SLCO1B1: variants seen among roughly 807,000 people sequenced by gnomAD.
SLCO1B1 encodes the protein OATP-2.
A neutral mutation model predicts 70.1 loss-of-function variants in SLCO1B1; 81 were observed. The ratio of observed to expected loss-of-function variants is 1.16; its 90% CI spans 0.97 to 1.39. The LOEUF (loss-of-function observed/expected upper bound fraction) is 1.39. SLCO1B1 is among the 40% of genes most tolerant of loss of function. The pLI is 0.00. For missense variants in SLCO1B1, 895 were observed against 799.6 expected (o/e 1.12, Z -1.44); for synonymous variants, 283 against 271.5 (o/e 1.04, Z -0.42).
intron 14 of SLCO1B1, 148 bp downstream of exon 14, chr12:21,224,987 C>T (rs990071051): frequency 1.9e-4 from 93 of 502,568 alleles, no homozygotes; most frequent in Non-Finnish European, 3.0e-4. Context: ...CAAGCAATCT[C>T]GTATCTCATT....
At chr12:21,180,377 C>A (rs1940880594) in intron 7 of SLCO1B1, among the ~76,000 whole-genome samples, 1 of 152,148 alleles carries the variant, frequency 6.6e-6, no homozygotes, top group Non-Finnish European at 1.5e-5. Context: ...TACTTCACCA[C>A]TTTCCATTAG....
At chr12:21,223,153 G>A (rs972868196) in intron 13 of SLCO1B1, among the ~76,000 whole-genome samples, 8 of 152,212 alleles carry the variant, frequency 5.3e-5, no homozygotes, top group Middle Eastern at 3.4e-3. Flanking sequence ...GAGACTATGA[G>A]AATGGAGTAA....
In SLCO1B1 at chr12:21,146,567, A is replaced by G. The variant is rs1940385398; in HGVS notation, c.84+4909A>G. Among the ~76,000 whole-genome samples the G allele has an allele frequency of 2.6e-5, 4 of 152,298 alleles. 1 individual carries two copies. Among genetic ancestry groups the G allele is most frequent in the Admixed American group, 2.6e-4 (4 of 15,290 alleles). ...TTAGCATTTTCTTGTTTTCTAACAT[A>G]TGCATTCAGTGCAATAAATCTCTAA... On this transcript the variant is annotated intron_variant, in intron 2 of 14. Coordinates refer to ENST00000256958, the MANE Select transcript of SLCO1B1 (RefSeq NM_006446.5).
chr12:21,182,421 C>T (rs1399666685), intron 7 of SLCO1B1, among the ~76,000 whole-genome samples: 1 of 152,130 alleles, frequency 6.6e-6, no homozygotes, highest in Non-Finnish European at 1.5e-5. Context: ...GCCCAACATC[C>T]AAGGCTCTCT....
At chr12:21,188,762 C>A (rs1940991956) in intron 7 of SLCO1B1, among the ~76,000 whole-genome samples, 1 of 152,152 alleles carries the variant, frequency 6.6e-6, no homozygotes, top group African/African-American at 2.4e-5. Context: ...CATTGACTAA[C>A]AACTCCCTGC....
At chr12:21,182,256 C>G (rs1564370) in intron 7 of SLCO1B1, among the ~76,000 whole-genome samples, 56,598 of 151,898 alleles carry the variant, frequency 0.37, 12,812 homozygotes, top group South Asian at 0.55. Context: ...CTGTTGACAT[C>G]TGGGATCCTA....
Position 21,239,129 on chromosome 12 carries a change from C to A in SLCO1B1, c.2016C>A (p.Ser672=), listed in dbSNP as rs1480173846. The A allele has an allele frequency of 6.2e-7, 1 of 1,612,888 alleles. No individual in the cohort carries two copies. The highest frequency in any genetic ancestry group is 8.5e-7 in the Non-Finnish European group (1 of 1,179,386). ...GSVMDEANLE[S]LNKNKHFVPS... is the part of the protein sequence containing the mutation. ...TCATGGATGAAGCAAACTTAGAATCCTTAAATAAAAATAAACATTTTGTCC... is the reference window on the plus strand; with the variant it reads ...TCATGGATGAAGCAAACTTAGAATCATTAAATAAAAATAAACATTTTGTCC... The change falls in exon 15 of 15, where the codon TCC becomes TCA. Residue 672 remains serine (S), a synonymous_variant. Coordinates refer to ENST00000256958, the MANE Select transcript of SLCO1B1 (RefSeq NM_006446.5).
At chr12:21,143,909 G>C (rs1940347440) in intron 2 of SLCO1B1, among the ~76,000 whole-genome samples, 1 of 151,924 alleles carries the variant, frequency 6.6e-6, no homozygotes, top group Non-Finnish European at 1.5e-5. Context: ...AAATATACAT[G>C]TTGTTACTGA....
Position 21,239,230 on chromosome 12 carries a change from A to G in SLCO1B1, c.*41A>G. On this transcript the variant is annotated 3_prime_UTR_variant, in exon 15 of 15. Transcript: ENST00000256958. ...CACTTCTGCTTCTGTGTTTCCAAAC[A>G]GCATTGCATTGATTCAGTAAGATGT... The G allele has an allele frequency of 1.5e-6, 2 of 1,324,280 alleles. No homozygotes were observed. Among genetic ancestry groups the G allele is most frequent in the Non-Finnish European group, 2.2e-6 (2 of 916,368 alleles). 82.0% of individuals were successfully genotyped at this position (1,324,280 alleles called of 1,614,324 possible).
intron 10 of SLCO1B1, among the ~76,000 whole-genome samples, 158 bp from the exon 11 acceptor site, chr12:21,205,710 G>A (rs947974482): frequency 1.3e-5 from 2 of 150,940 alleles, no homozygotes; most frequent in Non-Finnish European, 3.0e-5. Context: ...TTGCCATTTC[G>A]TCATCATCAA....
At chr12:21,193,388 C>T (rs984956109) in intron 7 of SLCO1B1, among the ~76,000 whole-genome samples, 20 of 152,088 alleles carry the variant, frequency 1.3e-4, no homozygotes, top group African/African-American at 4.8e-4. Context: ...CATAGGGAGT[C>T]CTAGAACCAT....
intron 7 of SLCO1B1, among the ~76,000 whole-genome samples, chr12:21,183,492 G>A (rs1335057849): frequency 6.6e-6 from 1 of 152,182 alleles, no homozygotes; most frequent in Non-Finnish European, 1.5e-5. Context: ...CACTGTGCCT[G>A]ACTTCAAAAA....
At chr12:21,184,801 A>G (rs1047659857) in intron 7 of SLCO1B1, among the ~76,000 whole-genome samples, 2 of 152,154 alleles carry the variant, frequency 1.3e-5, no homozygotes, top group Non-Finnish European at 1.5e-5. Context: ...TGCCCCAAGT[A>G]AAAGACACTG....
At chr12:21,151,860 T>G (rs984977550) in intron 2 of SLCO1B1, among the ~76,000 whole-genome samples, 1 of 152,120 alleles carries the variant, frequency 6.6e-6, no homozygotes, top group Non-Finnish European at 1.5e-5. Flanking sequence ...ATGACATGAC[T>G]AGGTGTAACT....
At chr12:21,186,923 G>C (rs374081579) in intron 7 of SLCO1B1, among the ~76,000 whole-genome samples, 21 of 152,182 alleles carry the variant, frequency 1.4e-4, no homozygotes, top group Non-Finnish European at 2.8e-4. Context: ...TGCAAGCAAA[G>C]GATGGTTTGA....
chr12:21,185,995 G>GA (rs1427816105), intron 7 of SLCO1B1, among the ~76,000 whole-genome samples: 1 of 151,242 alleles, frequency 6.6e-6, no homozygotes, highest in Non-Finnish European at 1.5e-5. Flanking sequence ...GATTAAACCA[G>GA]AAAAAAAGTG....
chr12:21,176,863 A>G lies in SLCO1B1; in HGVS notation c.447A>G (p.Ser149=). The change falls in exon 5 of 15, where the codon TCA becomes TCG. Residue 149 remains serine, a synonymous_variant. Coordinates refer to ENST00000256958, the MANE Select transcript of SLCO1B1 (RefSeq NM_006446.5). The part of the protein sequence containing the change: ...LSTCLINQIL[S]LNRASPEIVG... ...CTTGTTTAATTAATCAAATTTTATC[A>G]CTCAATAGAGCATCACCTGAGATAG... 6.4e-7 allele frequency: 1 copy of G among 1,561,944 alleles called. No individual in the cohort carries two copies.
At chr12:21,218,013 A>G (rs553109275) in intron 12 of SLCO1B1, among the ~76,000 whole-genome samples, 1 of 152,340 alleles carries the variant, frequency 6.6e-6, no homozygotes, top group Non-Finnish European at 1.5e-5. Context: ...AGAAAGATTC[A>G]AAAGGAAAGT....
At chr12:21,175,424 G>C (rs575587924) in intron 4 of SLCO1B1, among the ~76,000 whole-genome samples, 15 of 152,042 alleles carry the variant, frequency 9.9e-5, no homozygotes, top group Admixed American at 4.6e-4. Context: ...TTCACACATA[G>C]ATATATAAAT....
Sources: allele counts gnomAD v4.1 joint callset (sites outside exome capture counted in the v4.1 genomes callset), GRCh38; gene constraint gnomAD v4.1.1; transcripts MANE v1.5; gene names NCBI Gene and HGNC (gene_info 2026-07-23, HGNC 2026-07-21).